The following CACNA1I variants were observed in gnomAD, a reference collection of about 807,000 sequenced individuals.
CACNA1I encodes the protein calcium voltage-gated channel subunit alpha1 I.
A neutral mutation model predicts 201.6 loss-of-function variants in CACNA1I; 74 were observed. That is an observed-to-expected ratio of 0.37 (90% confidence interval 0.30 to 0.45). The LOEUF is 0.45. CACNA1I is among the 20% of genes least tolerant of loss of function. The pLI is 1.00. For synonymous variants in CACNA1I, 1,431 were observed against 1,345.2 expected (o/e 1.06, Z -1.40); for missense variants, 2,346 against 3,138.1 (o/e 0.75, Z 6.03).
chr22:39,646,767 A>G lies in CACNA1I; in HGVS notation c.1348A>G (p.Lys450Glu). The G allele has an allele frequency of 6.3e-7, 1 of 1,587,382 alleles. No individual in the cohort carries two copies. Residue 450 changes from lysine (K) to glutamate (E), a missense_variant, in exon 8 of 37, where the codon AAG (lysine) becomes GAG (glutamate). Physicochemically the swap from Lys to Glu is moderately conservative, Grantham distance 56 (BLOSUM62 1). Around this residue, in one of 13 missense-constraint regions of CACNA1I, gnomAD observed 312 missense variants for 331.5 expected, o/e 0.94. Transcript: ENST00000402142. The part of the protein sequence containing the change: ...QYVCHILRKA[K>E]RRALGLYQAL... ...TGTCTGCCACATCCTGCGCAAGGCC[A>G]AGCGCCGCGCCCTGGGCCTCTACCA...
rs1415625387 is a variant in CACNA1I, at chr22:39,686,321, G to A, written c.6588G>A (p.Met2196Ile). The A allele has an allele frequency of 7.6e-7, 1 of 1,308,720 alleles. No individual in the cohort carries two copies. The highest frequency in any genetic ancestry group is 9.7e-7 in the Non-Finnish European group (1 of 1,027,192). The allele number at this position is 1,308,720 out of a possible 1,614,324, so 81.1% of individuals were successfully genotyped here. The change falls in exon 37 of 37, where the codon ATG becomes ATA. Residue 2196 changes from methionine (M) to isoleucine (I), a missense_variant. Physicochemically the swap from Met to Ile is conservative, Grantham distance 10. This residue lies in a region of CACNA1I where 187 missense variants were observed against 151.0 expected (regional missense o/e 1.24). Transcript: ENST00000402142. ...CCCCCGGCCGGGCACCGCTGCCCATGGGCCTGGGCCCCTTGGCGCCCCCGC... is the reference window on the plus strand; with the variant it reads ...CCCCCGGCCGGGCACCGCTGCCCATAGGCCTGGGCCCCTTGGCGCCCCCGC... ...KDPPGRAPLP[M>I]GLGPLAPPPQ...
At chr22:39,573,146 G>A (rs76998503) in intron 1 of CACNA1I, among the ~76,000 whole-genome samples, 3,018 of 152,236 alleles carry the variant, frequency 0.02, 105 homozygotes, top group African/African-American at 0.07. Context: ...GGGGGCGGCC[G>A]CAGGAATTTT....
chr22:39,587,130 TC>T (rs2145812060), intron 1 of CACNA1I, among the ~76,000 whole-genome samples: 1 of 152,292 alleles, frequency 6.6e-6, no homozygotes, highest in African/African-American at 2.4e-5. Flanking sequence ...TGCCATTGCC[TC>T]CCCTACTCTG....
intron 1 of CACNA1I, among the ~76,000 whole-genome samples, chr22:39,579,934 C>A (rs1209168848): frequency 1.3e-5 from 2 of 152,228 alleles, no homozygotes; most frequent in African/African-American, 4.8e-5. Flanking sequence ...CAGGTCTGAG[C>A]CACCATGCCC....
Position 39,679,145 on chromosome 22 carries a change from C to T in CACNA1I, c.5094C>T (p.Cys1698=). Residue 1698 remains cysteine (C), a synonymous_variant, in exon 32 of 37, where the codon TGC becomes TGT. Transcript: ENST00000402142. ...ACTGCACCCACGACGAGCGCAGCTG[C>T]CTGAGCAGCCTGCAGTTTGTGTCGC... The part of the protein sequence containing the change: ...LRDCTHDERS[C]LSSLQFVSPL... The T allele has an allele frequency of 6.3e-7, 1 of 1,593,932 alleles. No individual in the cohort carries two copies. The highest frequency in any genetic ancestry group is 8.5e-7 in the Non-Finnish European group (1 of 1,171,504).
chr22:39,588,665 G>A (rs1279049827), intron 1 of CACNA1I, among the ~76,000 whole-genome samples: 3 of 152,098 alleles, frequency 2.0e-5, no homozygotes, highest in African/African-American at 7.2e-5. Flanking sequence ...GATTACAGGC[G>A]TGAGCCACTG....
chr22:39,617,588 A>AC (rs1217788547), intron 3 of CACNA1I, among the ~76,000 whole-genome samples: 1 of 151,652 alleles, frequency 6.6e-6, no homozygotes, highest in African/African-American at 2.4e-5. Context: ...TGTGTGTGCC[A>AC]CCCCCGCAGC....
At chr22:39,681,143 C>T in intron 34 of CACNA1I, 91 bp downstream of exon 34, 1 of 1,435,898 alleles carries the variant, frequency 7.0e-7, no homozygotes, top group Non-Finnish European at 9.3e-7. Flanking sequence ...TCTTTCCAGT[C>T]TACCATGTAA....
intron 3 of CACNA1I, among the ~76,000 whole-genome samples, chr22:39,607,125 A>G (rs1258089922): frequency 6.6e-6 from 1 of 152,108 alleles, no homozygotes; most frequent in Non-Finnish European, 1.5e-5. Context: ...ATCTCTCCAG[A>G]ATGAGGTTTG....
intron 3 of CACNA1I, among the ~76,000 whole-genome samples, chr22:39,605,319 T>A (rs1045417292): frequency 1.2e-4 from 19 of 152,206 alleles, no homozygotes; most frequent in African/African-American, 4.6e-4. Flanking sequence ...TGTCTGAGAC[T>A]GGGGCCTGCC....
chr22:39,576,634 C>T (rs940361859), intron 1 of CACNA1I, among the ~76,000 whole-genome samples: 12 of 152,206 alleles, frequency 7.9e-5, no homozygotes, highest in African/African-American at 2.7e-4. Flanking sequence ...CTGTGAAGGC[C>T]GCCTCTCTGC....
At chr22:39,611,452 T>TCA (rs1933385165) in intron 3 of CACNA1I, among the ~76,000 whole-genome samples, 1 of 152,062 alleles carries the variant, frequency 6.6e-6, no homozygotes, top group African/African-American at 2.4e-5. Context: ...TCACTAGCCC[T>TCA]CAGAAAGCAG....
intron 1 of CACNA1I, among the ~76,000 whole-genome samples, chr22:39,591,400 G>C (rs1362761334): frequency 6.6e-6 from 1 of 151,710 alleles, no homozygotes; most frequent in African/African-American, 2.4e-5. Context: ...GACCTCAAGT[G>C]ATCTGCTCAC....
At chr22:39,679,026 C>G in intron 31 of CACNA1I, 81 bp from the exon 32 acceptor site, 1 of 1,099,078 alleles carries the variant, frequency 9.1e-7, no homozygotes, top group Non-Finnish European at 1.3e-6. Context: ...TGCCTCCGAG[C>G]GTGGCCCTGG....
At chr22:39,615,745 T>G (rs1479039504) in intron 3 of CACNA1I, among the ~76,000 whole-genome samples, 1 of 152,224 alleles carries the variant, frequency 6.6e-6, no homozygotes, top group African/African-American at 2.4e-5. Flanking sequence ...TGCATTTATA[T>G]GCTCTTATTC....
Position 39,630,657 on chromosome 22 carries a change from A to T in CACNA1I, c.581-3908A>T, listed in dbSNP as rs1323210616. Among the ~76,000 whole-genome samples the T allele has an allele frequency of 3.3e-5, 5 of 152,356 alleles. No individual in the cohort carries two copies. In the East Asian group the frequency reaches 9.7e-4, roughly 29 times the overall value. On this transcript the variant is annotated intron_variant, in intron 4 of 36. Coordinates refer to ENST00000402142, the MANE Select transcript of CACNA1I (RefSeq NM_021096.4). ...AGGAGGCAGAGCCGGGAACTGGCAC[A>T]GGCTATGATGGAGGGCGGGTGGGCA...
At chr22:39,583,388 C>T (rs1489485913) in intron 1 of CACNA1I, among the ~76,000 whole-genome samples, 3 of 151,772 alleles carry the variant, frequency 2.0e-5, no homozygotes, top group African/African-American at 7.3e-5. Flanking sequence ...ATCCATCCAT[C>T]CATCCATCCA....
intron 4 of CACNA1I, among the ~76,000 whole-genome samples, chr22:39,623,916 ATG>A (rs772669003): frequency 1.1e-5 from 1 of 89,042 alleles, no homozygotes; most frequent in Non-Finnish European, 2.2e-5. Flanking sequence ...GTGAGGGTGT[ATG>A]TGTGACGTGT....
chr22:39,586,279 C>T (rs1391545472), intron 1 of CACNA1I, among the ~76,000 whole-genome samples: 1 of 152,042 alleles, frequency 6.6e-6, no homozygotes, highest in Non-Finnish European at 1.5e-5. Flanking sequence ...CACTTGAGGT[C>T]AGGAGTTCCA....
Sources: allele counts gnomAD v4.1 joint callset (sites outside exome capture counted in the v4.1 genomes callset), GRCh38; gene constraint gnomAD v4.1.1; regional missense constraint gnomAD v4.1.1; transcripts MANE v1.5; gene names NCBI Gene and HGNC (gene_info 2026-07-23, HGNC 2026-07-21).